Variants in RASL12 observed in about 807,000 individuals in gnomAD.
The protein encoded by RASL12 is ras-like protein family member 12.
In RASL12, 16 loss-of-function variants were observed where a neutral mutation model predicts 22.9. The observed-to-expected ratio is 0.70, with a 90% CI of 0.47 to 1.06. The LOEUF is 1.06. Ranked by LOEUF, RASL12 falls within the 50% of genes least tolerant of loss-of-function variation. The probability of loss-of-function intolerance (pLI) is 0.00; values close to 1 mark genes in which losing one functional copy is unlikely to be tolerated. For missense variants in RASL12, 306 were observed against 353.1 expected (o/e 0.87, Z 1.07); for synonymous variants, 159 against 152.2 (o/e 1.04, Z -0.33).
rs1186748166 is a variant in RASL12, at chr15:65,053,551, C to A, written c.*1348G>T. 1 of 1,015,664 alleles carries A rather than the reference C, an allele frequency of 9.8e-7. No individual in the cohort carries two copies. Among genetic ancestry groups the A allele is most frequent in the African/African-American group, 1.7e-5 (1 of 57,636 alleles). The allele number at this position is 1,015,664 out of a possible 1,614,324, so 62.9% of individuals were successfully genotyped here. A position where few individuals can be genotyped will look rare whatever the true frequency, so the allele number is the denominator to read the frequency against. On this transcript the variant is annotated 3_prime_UTR_variant, in exon 5 of 5. Transcript: ENST00000220062. ...GTTCACAGCCCCCCTCTGACCTCAG[C>A]TCCTCCATTTACAGAATGAGTCCGA...
At chr15:65,046,650 T>C in the RASL12 span, among the ~76,000 whole-genome samples, 1 of 152,196 alleles carries the variant, frequency 6.6e-6, no homozygotes, top group African/African-American at 2.4e-5. Context: ...CGGTGGCTCA[T>C]GCCTGTAATC....
rs558433744 is a variant in RASL12, at chr15:65,065,760, T to C, written c.104-487A>G. On this transcript the variant is annotated intron_variant, in intron 1 of 4. Transcript: ENST00000220062. ...TTTGGGAAGGGTATAAATCCCCAAG[T>C]GCCTGGGCTTTCCAGGTAAGGTCCA... Among the ~76,000 whole-genome samples, 3 of 152,286 alleles carry C rather than the reference T, an allele frequency of 2.0e-5. No individual in the cohort carries two copies. The East Asian group carries it at 5.8e-4, about 29-fold the overall frequency.
the RASL12 span, among the ~76,000 whole-genome samples, chr15:65,047,464 G>A: frequency 2.0e-5 from 3 of 152,118 alleles, no homozygotes; most frequent in Non-Finnish European, 4.4e-5. Context: ...CACAATACAG[G>A]AGTGGTCAAC....
chr15:65,050,981 A>C (rs1566950850), downstream of RASL12, among the ~76,000 whole-genome samples: 1 of 151,246 alleles, frequency 6.6e-6, no homozygotes, highest in Non-Finnish European at 1.5e-5. Context: ...AGTAGCTGGG[A>C]TTACAGTGTA....
upstream of RASL12, among the ~76,000 whole-genome samples, chr15:65,072,867 G>A (rs551861120): frequency 2.6e-5 from 4 of 152,118 alleles, no homozygotes; most frequent in Non-Finnish European, 5.9e-5. Flanking sequence ...GAGAGGCATC[G>A]GAGCACAGTG....
At chr15:65,066,116 AAGAG>A (rs577884440) in intron 1 of RASL12, among the ~76,000 whole-genome samples, 16 of 151,544 alleles carry the variant, frequency 1.1e-4, no homozygotes, top group South Asian at 6.3e-4. Flanking sequence ...AGAAAGAAGA[AAGAG>A]AGAGAAAGAA....
At chr15:65,062,005 C>T (rs1250776905) in intron 2 of RASL12, among the ~76,000 whole-genome samples, 1 of 149,410 alleles carries the variant, frequency 6.7e-6, no homozygotes, top group Admixed American at 6.7e-5. Context: ...GGTGTGAACC[C>T]GGGAGGTGGA....
chr15:65,055,186 C>A lies in RASL12; in HGVS notation c.514G>T (p.Val172Leu), dbSNP rs79475397. 6 of 1,612,358 alleles carry A rather than the reference C, an allele frequency of 3.7e-6. No individual in the cohort carries two copies. In the South Asian group the frequency reaches 5.5e-5, roughly 15 times the overall value. Residue 172 changes from valine to leucine, a missense_variant, in exon 5 of 5, where the codon GTG becomes TTG. Val to Leu is a conservative substitution (Grantham distance 32, BLOSUM62 1). Transcript: ENST00000220062. ...ACTGCCTCGTGGAAGACATGCTGCACGTGCTCAAAGTCCAGACAGGCAGAG... is the reference window on the plus strand; with the variant it reads ...ACTGCCTCGTGGAAGACATGCTGCAAGTGCTCAAAGTCCAGACAGGCAGAG... ...EVSACLDFEH[V>L]QHVFHEAVRE...
chr15:65,049,608 G>A (rs563528724), downstream of RASL12: 1 of 154,284 alleles, frequency 6.5e-6, no homozygotes, highest in Non-Finnish European at 1.4e-5. Context: ...TGCGGACGCT[G>A]AACAGGCAGG....
intron 1 of RASL12, chr15:65,076,379 T>G (rs565490270): frequency 4.8e-6 from 2 of 419,504 alleles, no homozygotes; most frequent in East Asian, 4.4e-5. Context: ...CACGCTGCCT[T>G]AAGAGCTGTA....
upstream of RASL12, among the ~76,000 whole-genome samples, chr15:65,071,855 T>C (rs1337140803): frequency 6.6e-6 from 1 of 152,156 alleles, no homozygotes; most frequent in Non-Finnish European, 1.5e-5. Flanking sequence ...AGGCAACTGT[T>C]TCCCTGCCCT....
At position 65,055,262 on chromosome 15, in the gene RASL12, C is replaced by A; in HGVS notation, c.438G>T (p.Lys146Asn). 2 of 1,570,110 alleles carry A rather than the reference C, an allele frequency of 1.3e-6. No homozygotes were observed. The highest frequency in any genetic ancestry group is 8.6e-7 in the Non-Finnish European group (1 of 1,157,828). ...LDMAQYRQVT[K>N]AEGVALAGRF... ...TGCCTGCCAAAGCCACACCCTCTGC[C>A]TTGGTGACTTGCCTGGTGAGGAAGC... The change falls in exon 5 of 5, where the codon AAG becomes AAT. Residue 146 changes from lysine (K) to asparagine (N), a missense_variant. Coordinates refer to ENST00000220062, the MANE Select transcript of RASL12 (RefSeq NM_016563.4).
At chr15:65,058,029 G>A (rs1243580812) in intron 4 of RASL12, among the ~76,000 whole-genome samples, 1 of 152,186 alleles carries the variant, frequency 6.6e-6, no homozygotes, top group Non-Finnish European at 1.5e-5. Context: ...CCCACACTTT[G>A]GGAGGCTGAG....
downstream of RASL12, chr15:65,053,221 T>C: frequency 1.3e-6 from 2 of 1,590,576 alleles, no homozygotes; most frequent in Admixed American, 1.8e-5. Context: ...CTCAGCTCAG[T>C]GGCCTGAAAC....
intron 1 of RASL12, among the ~76,000 whole-genome samples, chr15:65,076,324 G>A (rs1342472838): frequency 6.6e-6 from 1 of 152,026 alleles, no homozygotes; most frequent in Non-Finnish European, 1.5e-5. Context: ...CACTCCTGAG[G>A]CCAGCGAGAC....
Position 65,053,679 on chromosome 15 carries a change from C to T in RASL12, c.*1220G>A. ...CCCAGAATCCCCTTCCCAATCCTTC[C>T]ACCCACCAGGACCCTCTCTTTTCCC... On this transcript the variant is annotated 3_prime_UTR_variant, in exon 5 of 5. Transcript: ENST00000220062. 1 of 989,034 alleles carries T rather than the reference C, an allele frequency of 1.0e-6. No homozygotes were observed. The highest frequency in any genetic ancestry group is 1.2e-6 in the Non-Finnish European group (1 of 832,252). The allele number at this position is 989,034 out of a possible 1,614,324, so 61.3% of individuals were successfully genotyped here.
the RASL12 span, among the ~76,000 whole-genome samples, chr15:65,046,267 C>T: frequency 6.6e-6 from 1 of 152,220 alleles, no homozygotes; most frequent in Non-Finnish European, 1.5e-5. Context: ...TGCCACTACA[C>T]TCCAGCCTGG....
At chr15:65,067,636 G>A in intron 1 of RASL12, 97 bp downstream of exon 1, 1 of 1,389,762 alleles carries the variant, frequency 7.2e-7, no homozygotes, top group Non-Finnish European at 9.5e-7. Flanking sequence ...AGCTCCCCAA[G>A]CCAGTGGAAG....
At chr15:65,066,361 T>C (rs1041495430) in intron 1 of RASL12, among the ~76,000 whole-genome samples, 22 of 151,972 alleles carry the variant, frequency 1.4e-4, no homozygotes, top group African/African-American at 5.1e-4. Flanking sequence ...TCTAAAAAAA[T>C]TGAAAAATTA....
Sources: allele counts gnomAD v4.1 joint callset (sites outside exome capture counted in the v4.1 genomes callset), GRCh38; gene constraint gnomAD v4.1.1; transcripts MANE v1.5; gene names NCBI Gene and HGNC (gene_info 2026-07-23, HGNC 2026-07-21).